TESK1: variants seen among roughly 807,000 people sequenced by gnomAD.
TESK1 encodes testis associated actin remodelling kinase 1, also known as dual specificity testis-specific protein kinase 1.
Under a neutral mutation model 59.9 loss-of-function variants are expected in TESK1, and 18 were observed. The ratio of observed to expected loss-of-function variants is 0.30; its 90% CI spans 0.21 to 0.45. The LOEUF (loss-of-function observed/expected upper bound fraction) is 0.45, where lower values mean the gene tolerates loss of function less well. Among genes scored for constraint, TESK1 ranks in the 20% least tolerant of loss-of-function variants. TESK1 has a pLI of 1.00. For synonymous variants in TESK1, 341 were observed against 357.4 expected (o/e 0.95, Z 0.52); for missense variants, 748 against 840.9 (o/e 0.89, Z 1.37).
Position 35,605,979 on chromosome 9 carries a change from C to A in TESK1, c.220-5C>A. On this transcript the variant is annotated splice_region_variant and splice_polypyrimidine_tract_variant and intron_variant, in intron 1 of 9. Coordinates refer to ENST00000336395, the MANE Select transcript of TESK1 (RefSeq NM_006285.3). Reference sequence around the variant, plus strand: ...CCGGCCCTCGCCGGCTGCTCCTGCCCCCAGGTTCGGCACCGACAGTCAGGG... The same window carrying A: ...CCGGCCCTCGCCGGCTGCTCCTGCCACCAGGTTCGGCACCGACAGTCAGGG... 6.2e-7 allele frequency: 1 copy of A among 1,613,648 alleles called. No homozygotes were observed. Among genetic ancestry groups the A allele is most frequent in the Non-Finnish European group, 8.5e-7 (1 of 1,179,916 alleles).
chr9:35,607,528 T>TG lies in TESK1; in HGVS notation c.621-47dup, dbSNP rs1563891665. 2.4e-5 allele frequency: 38 copies of TG among 1,573,406 alleles called. 2 individuals are homozygous for TG. The South Asian group carries it at 3.3e-4, about 14-fold the overall frequency. The stretch of plus-strand genomic sequence containing the variant: ...GGAGTTCACCTCATCCCCTTTTGCC[T>TG]GGGGGGGATGCCTGAATAGGATGCT... On this transcript the variant is annotated intron_variant, in intron 5 of 9. Coordinates refer to ENST00000336395, the MANE Select transcript of TESK1 (RefSeq NM_006285.3). The surrounding 1 kb of genome is among the most constrained non-coding windows in gnomAD (Gnocchi z 4.5).
In TESK1 at chr9:35,605,770, C is replaced by G. The variant is rs1045408806; in HGVS notation, c.151C>G (p.Leu51Val). 4 of 1,610,326 alleles carry G rather than the reference C, an allele frequency of 2.5e-6. No individual in the cohort carries two copies. The highest frequency in any genetic ancestry group is 2.5e-6 in the Non-Finnish European group (3 of 1,178,950). Residue 51 changes from leucine (L) to valine (V), a missense_variant, in exon 1 of 10, where the codon CTG becomes GTG. By Grantham distance (32) the Leu-to-Val change is conservative (BLOSUM62 1). Around this residue, in one of 3 missense-constraint regions of TESK1, gnomAD observed 133 missense variants for 117.4 expected, o/e 1.13. Coordinates refer to ENST00000336395, the MANE Select transcript of TESK1 (RefSeq NM_006285.3). ...GGCTCTCCGCAGCGCCGTGTCTAGCCTGGCGCGTGTGGACGATTTTCACTG... is the reference window on the plus strand; with the variant it reads ...GGCTCTCCGCAGCGCCGTGTCTAGCGTGGCGCGTGTGGACGATTTTCACTG... ...YRALRSAVSSLARVDDFHCAE... is the reference protein window; with the variant it reads ...YRALRSAVSSVARVDDFHCAE...
At position 35,605,994 on chromosome 9, in the gene TESK1, G is replaced by A. The variant is rs1395667596; in HGVS notation, c.230G>A (p.Arg77Gln). The change falls in exon 2 of 10, where the codon CGA (arginine) becomes CAA (glutamine). Residue 77 changes from arginine (R) to glutamine (Q), a missense_variant. Arg to Gln is a conservative substitution (Grantham distance 43). This residue lies in a region of TESK1 where 133 missense variants were observed against 117.4 expected (regional missense o/e 1.13). Coordinates refer to ENST00000336395, the MANE Select transcript of TESK1 (RefSeq NM_006285.3). Reference sequence around the variant, plus strand: ...TGCTCCTGCCCCCAGGTTCGGCACCGACAGTCAGGGCAAGTCATGGTGCTG... The same window carrying A: ...TGCTCCTGCCCCCAGGTTCGGCACCAACAGTCAGGGCAAGTCATGGTGCTG... Reference protein sequence around the residue: ...FFSEVYKVRHRQSGQVMVLKM... With the variant: ...FFSEVYKVRHQQSGQVMVLKM... The A allele has an allele frequency of 6.2e-7, 1 of 1,613,888 alleles. No individual in the cohort carries two copies. The highest frequency in any genetic ancestry group is 1.7e-5 in the Admixed American group (1 of 60,030).
rs927946600 is a variant in TESK1, at chr9:35,607,389, C to T, written c.600C>T (p.Ala200=). The T allele has an allele frequency of 3.7e-6, 6 of 1,613,998 alleles. No individual in the cohort carries two copies. The highest frequency in any genetic ancestry group is 2.7e-5 in the African/African-American group (2 of 74,868). ...FTAVVGDFGL[A]EKIPVYREGA... ...CTGTCGTGGGTGACTTCGGGCTGGC[C>T]GAAAAGATTCCTGTGTATAGGTGAG... is the stretch of plus-strand genomic sequence containing the variant. The change falls in exon 5 of 10, where the codon GCC becomes GCT. Residue 200 remains alanine, a synonymous_variant. Transcript: ENST00000336395. This position sits in a 1 kb window ranked among gnomAD's most constrained non-coding sequence, Gnocchi z 4.5.
chr9:35,607,166 T>C lies in TESK1; in HGVS notation c.538-161T>C. On this transcript the variant is annotated intron_variant, in intron 4 of 9. Transcript: ENST00000336395. The surrounding 1 kb of genome is among the most constrained non-coding windows in gnomAD (Gnocchi z 4.5). ...GAGGGACTGAGTAGCACCCTGTGTT[T>C]GGAGTGTTGGATGATGTTGCAATAT... 3.3e-6 allele frequency: 4 copies of C among 1,220,332 alleles called. No individual in the cohort carries two copies. The South Asian group carries it at 4.2e-5, about 13-fold the overall frequency. 75.6% of individuals were successfully genotyped at this position (1,220,332 alleles called of 1,614,324 possible). A position where few individuals can be genotyped will look rare whatever the true frequency, so the allele number is the denominator to read the frequency against.
At position 35,607,119 on chromosome 9, in the gene TESK1, A is replaced by C. The variant is rs557606389; in HGVS notation, c.537+136A>C. The stretch of plus-strand genomic sequence containing the variant: ...GCAAGGCATTGGAGAATATTGGGGG[A>C]CCAGGGTGAGGGGAGTGCTCGGAGG... On this transcript the variant is annotated intron_variant, in intron 4 of 9. Coordinates refer to ENST00000336395, the MANE Select transcript of TESK1 (RefSeq NM_006285.3). The surrounding 1 kb of genome is among the most constrained non-coding windows in gnomAD (Gnocchi z 4.5). The C allele has an allele frequency of 7.4e-7, 1 of 1,356,270 alleles. No homozygotes were observed. Among genetic ancestry groups the C allele is most frequent in the Non-Finnish European group, 1.0e-6 (1 of 1,003,692 alleles). The allele number at this position is 1,356,270 out of a possible 1,614,324, so 84.0% of individuals were successfully genotyped here.
chr9:35,609,406 T>C lies in TESK1; in HGVS notation c.1545T>C (p.Asn515=), dbSNP rs1217713674. The C allele has an allele frequency of 6.2e-7, 1 of 1,608,962 alleles. No homozygotes were observed. The highest frequency in any genetic ancestry group is 8.5e-7 in the Non-Finnish European group (1 of 1,177,416). Residue 515 remains asparagine, a synonymous_variant, in exon 10 of 10, where the codon AAT becomes AAC. Transcript: ENST00000336395. The surrounding 1 kb of genome is among the most constrained non-coding windows in gnomAD (Gnocchi z 6.7). ...CCCCTAGATCAGGACCCGTCCTCAA[T>C]AACAATCCCCCAGCTGTGGTGGTGA... ...PWSPRSGPVL[N]NNPPAVVVNS...
At position 35,607,758 on chromosome 9, in the gene TESK1, C is replaced by A; in HGVS notation, c.711+86C>A. 1 of 1,352,040 alleles carries A rather than the reference C, an allele frequency of 7.4e-7. No homozygotes were observed. Among genetic ancestry groups the A allele is most frequent in the Non-Finnish European group, 1.0e-6 (1 of 962,166 alleles). The allele number at this position is 1,352,040 out of a possible 1,614,324, so 83.8% of individuals were successfully genotyped here. A position where few individuals can be genotyped will look rare whatever the true frequency, so the allele number is the denominator to read the frequency against. Reference sequence around the variant, plus strand: ...AGCCCCATCCATCCCCAAAACAACCCTACCAGATCTTCAGGAGTCCCCAAG... The same window carrying A: ...AGCCCCATCCATCCCCAAAACAACCATACCAGATCTTCAGGAGTCCCCAAG... On this transcript the variant is annotated intron_variant, in intron 6 of 9. Coordinates refer to ENST00000336395, the MANE Select transcript of TESK1 (RefSeq NM_006285.3). The surrounding 1 kb of genome is among the most constrained non-coding windows in gnomAD (Gnocchi z 4.5).
chr9:35,606,364 C>T, intron 3 of TESK1, 79 bp downstream of exon 3: 10 of 1,544,608 alleles, frequency 6.5e-6, no homozygotes, highest in Non-Finnish European at 8.9e-6. Context: ...CCTGGTGGAT[C>T]TACGGAGGAC....
Position 35,605,588 on chromosome 9 carries a change from A to C in TESK1, c.-32A>C. 5 of 732,394 alleles carry C rather than the reference A, an allele frequency of 6.8e-6. No homozygotes were observed. The highest frequency in any genetic ancestry group is 7.2e-6 in the Non-Finnish European group (4 of 554,048). 45.4% of individuals were successfully genotyped at this position (732,394 alleles called of 1,614,324 possible). A position where few individuals can be genotyped will look rare whatever the true frequency, so the allele number is the denominator to read the frequency against. On this transcript the variant is annotated 5_prime_UTR_variant, in exon 1 of 10. The change abolishes an upstream ATG in the 5' untranslated region. Transcript: ENST00000336395. ...CTGCCCGGGCCCTGGGGACCCTGCCATGTGAGGCAGGCCCGGGCTGGGGGC... is the reference window on the plus strand; with the variant it reads ...CTGCCCGGGCCCTGGGGACCCTGCCCTGTGAGGCAGGCCCGGGCTGGGGGC...
In TESK1 at chr9:35,608,030, G is replaced by T. The variant is rs888732741; in HGVS notation, c.795+19G>T. 3 of 1,613,686 alleles carry T rather than the reference G, an allele frequency of 1.9e-6. No homozygotes were observed. The highest frequency in any genetic ancestry group is 4.5e-5 in the East Asian group (2 of 44,890). ...CACTGAGGTGAATGTTTCTAGGTTT[G>T]CAAAGAAAGAATTCCAGACTAGCTG... On this transcript the variant is annotated intron_variant, in intron 7 of 9. Coordinates refer to ENST00000336395, the MANE Select transcript of TESK1 (RefSeq NM_006285.3).
In TESK1 at chr9:35,606,276, T is replaced by A; in HGVS notation, c.381T>A (p.Ala127=). The change falls in exon 3 of 10, where the codon GCT becomes GCA. Residue 127 remains alanine, a synonymous_variant. Coordinates refer to ENST00000336395, the MANE Select transcript of TESK1 (RefSeq NM_006285.3). ...GTGTGCACCAGGGACAGCTGCACGC[T>A]CTTACAGAGGTGAGGATAGGCCAGG... ...GVCVHQGQLH[A]LTEYMNGGTL... 6.2e-7 allele frequency: 1 copy of A among 1,613,950 alleles called. No individual in the cohort carries two copies. Among genetic ancestry groups the A allele is most frequent in the South Asian group, 1.1e-5 (1 of 91,062 alleles).
intron 9 of TESK1, 114 bp downstream of exon 9, chr9:35,608,623 C>A: frequency 1.6e-6 from 1 of 608,412 alleles, no homozygotes; most frequent in African/African-American, 1.9e-5. Context: ...GGCTGGGGGT[C>A]GGGCTGGGGT....
Position 35,609,222 on chromosome 9 carries a change from G to T in TESK1, c.1361G>T (p.Gly454Val). The T allele has an allele frequency of 3.1e-6, 5 of 1,614,006 alleles. No homozygotes were observed. The highest frequency in any genetic ancestry group is 4.2e-6 in the Non-Finnish European group (5 of 1,180,030). Residue 454 changes from glycine (G) to valine (V), a missense_variant, in exon 10 of 10, where the codon GGT (glycine) becomes GTT (valine). By Grantham distance (109) the Gly-to-Val change is moderately radical. Coordinates refer to ENST00000336395, the MANE Select transcript of TESK1 (RefSeq NM_006285.3). The surrounding 1 kb of genome is among the most constrained non-coding windows in gnomAD (Gnocchi z 6.7). ...LPRRMETALP[G>V]PGPPAVGPSA... ...CGCCGTATGGAGACAGCACTGCCAGGTCCTGGCCCTCCCGCTGTGGGCCCC... is the reference window on the plus strand; with the variant it reads ...CGCCGTATGGAGACAGCACTGCCAGTTCCTGGCCCTCCCGCTGTGGGCCCC...
At position 35,609,254 on chromosome 9, in the gene TESK1, G is replaced by A. The variant is rs1184513741; in HGVS notation, c.1393G>A (p.Glu465Lys). ...PGPPAVGPSA[E>K]EKMECEGSSP... ...CCCTCCCGCTGTGGGCCCCTCGGCT[G>A]AAGAGAAGATGGAGTGCGAGGGCAG... Residue 465 changes from glutamate (E) to lysine (K), a missense_variant, in exon 10 of 10, where the codon GAA becomes AAA. By Grantham distance (56) the Glu-to-Lys change is moderately conservative. This residue lies in a region of TESK1 where 447 missense variants were observed against 466.1 expected (regional missense o/e 0.96). Transcript: ENST00000336395. The surrounding 1 kb of genome is among the most constrained non-coding windows in gnomAD (Gnocchi z 6.7). The A allele has an allele frequency of 1.9e-6, 3 of 1,614,046 alleles. No homozygotes were observed. Among genetic ancestry groups the A allele is most frequent in the African/African-American group, 2.7e-5 (2 of 74,948 alleles).
chr9:35,609,621 C>T lies in TESK1; in HGVS notation c.1760C>T (p.Pro587Leu). The T allele has an allele frequency of 6.2e-7, 1 of 1,611,084 alleles. No individual in the cohort carries two copies. The change falls in exon 10 of 10, where the codon CCC becomes CTC. Residue 587 changes from proline (P) to leucine (L), a missense_variant. Around this residue, in one of 3 missense-constraint regions of TESK1, gnomAD observed 447 missense variants for 466.1 expected, o/e 0.96. Coordinates refer to ENST00000336395, the MANE Select transcript of TESK1 (RefSeq NM_006285.3). The surrounding 1 kb of genome is among the most constrained non-coding windows in gnomAD (Gnocchi z 6.7). The stretch of plus-strand genomic sequence containing the variant: ...GGCTTCCTGTCCATGTGCCCCCGCC[C>T]CACACCAGCTGTTGCCCGCTACCGC... ...SFGFLSMCPR[P>L]TPAVARYRNL...
chr9:35,606,884 C>G lies in TESK1; in HGVS notation c.438C>G (p.Pro146=). The G allele has an allele frequency of 6.2e-7, 1 of 1,613,718 alleles. No individual in the cohort carries two copies. Among genetic ancestry groups the G allele is most frequent in the Non-Finnish European group, 8.5e-7 (1 of 1,179,788 alleles). The change falls in exon 4 of 10, where the codon CCC becomes CCG. Residue 146 remains proline, a synonymous_variant. Coordinates refer to ENST00000336395, the MANE Select transcript of TESK1 (RefSeq NM_006285.3). The part of the protein sequence containing the change: ...TLEQLLSSPE[P]LSWPVRLHLA... Reference sequence around the variant, plus strand: ...AACAGCTGCTCAGCTCCCCTGAACCCCTGTCCTGGCCGGTCAGGCTCCACC... The same window carrying G: ...AACAGCTGCTCAGCTCCCCTGAACCGCTGTCCTGGCCGGTCAGGCTCCACC...
At position 35,606,273 on chromosome 9, in the gene TESK1, C is replaced by T; in HGVS notation, c.378C>T (p.His126=). Residue 126 remains histidine, a synonymous_variant, in exon 3 of 10, where the codon CAC becomes CAT. Coordinates refer to ENST00000336395, the MANE Select transcript of TESK1 (RefSeq NM_006285.3). The stretch of plus-strand genomic sequence containing the variant: ...TCTGTGTGCACCAGGGACAGCTGCA[C>T]GCTCTTACAGAGGTGAGGATAGGCC... ...MGVCVHQGQL[H]ALTEYMNGGT... 1.9e-6 allele frequency: 3 copies of T among 1,614,064 alleles called. No individual in the cohort carries two copies. Among genetic ancestry groups the T allele is most frequent in the South Asian group, 2.2e-5 (2 of 91,066 alleles).
rs563254335 is a variant in TESK1, at chr9:35,607,513, T to C, written c.621-69T>C. 1.1e-4 allele frequency: 170 copies of C among 1,569,126 alleles called. No individual in the cohort carries two copies. The highest frequency in any genetic ancestry group is 1.4e-4 in the Non-Finnish European group (162 of 1,139,736). ...CCTTGGGGAACGGAGGGAGTTCACC[T>C]CATCCCCTTTTGCCTGGGGGGGATG... is the stretch of plus-strand genomic sequence containing the variant. On this transcript the variant is annotated intron_variant, in intron 5 of 9. Coordinates refer to ENST00000336395, the MANE Select transcript of TESK1 (RefSeq NM_006285.3). The surrounding 1 kb of genome is among the most constrained non-coding windows in gnomAD (Gnocchi z 4.5).
Sources: allele counts gnomAD v4.1 joint callset, GRCh38; gene constraint gnomAD v4.1.1; regional missense constraint gnomAD v4.1.1; non-coding constraint Gnocchi (gnomAD v3.1); transcripts MANE v1.5; gene names NCBI Gene and HGNC (gene_info 2026-07-23, HGNC 2026-07-21).